The following CEP43 variants were observed in gnomAD, a reference collection of about 807,000 sequenced individuals.
CEP43 encodes the protein centrosomal protein 43.
CEP43 carries 36 observed loss-of-function variants against 52.6 expected under a neutral mutation model. That is an observed-to-expected ratio of 0.68 (90% CI 0.52 to 0.90). CEP43 has a LOEUF of 0.90. Among genes scored for constraint, CEP43 ranks in the 40% least tolerant of loss-of-function variants. The pLI, the probability that CEP43 is intolerant of heterozygous loss-of-function variation, is 0.00. For missense variants in CEP43, 506 were observed against 472.8 expected, an observed-to-expected ratio of 1.07 and a Z score of -0.65; for synonymous variants, 192 against 172.4, an observed-to-expected ratio of 1.11 and a Z score of -0.89.
intron 10 of CEP43, chr6:167,027,762 G>A (rs1780385174): frequency 5.6e-6 from 3 of 540,462 alleles, no homozygotes; most frequent in African/African-American, 4.1e-5. Flanking sequence ...GAGTAAATAG[G>A]ATTTAAATAT....
chr6:167,001,531 C>T (rs950195085), intron 2 of CEP43, among the ~76,000 whole-genome samples: 2 of 152,230 alleles, frequency 1.3e-5, no homozygotes, highest in African/African-American at 4.8e-5. Context: ...GTCTCACAGA[C>T]TGACCTTATT....
At chr6:167,030,220 A>G (rs751968542) in intron 10 of CEP43, among the ~76,000 whole-genome samples, 11 of 152,158 alleles carry the variant, frequency 7.2e-5, no homozygotes, top group Non-Finnish European at 1.5e-5. Flanking sequence ...TTAAATCCAC[A>G]TTGCAGCCAC....
At chr6:167,003,877 G>T in intron 4 of CEP43, 66 bp downstream of exon 4, 1 of 941,722 alleles carries the variant, frequency 1.1e-6, no homozygotes, top group Non-Finnish European at 1.6e-6. Context: ...ATATTAAGCT[G>T]AAAGTTAATA....
chr6:167,009,410 C>T (rs962355482), intron 5 of CEP43, among the ~76,000 whole-genome samples: 4 of 133,188 alleles, frequency 3.0e-5, no homozygotes, highest in East Asian at 4.9e-4. Context: ...CTCGGGAGGG[C>T]GAGGCAGGAG....
In CEP43 at chr6:167,047,941, T is replaced by C. The variant is rs573769560; in HGVS notation, c.*7963T>C. The C allele has an allele frequency of 6.6e-6, 1 of 152,292 alleles. No individual in the cohort carries two copies. Among genetic ancestry groups the C allele is most frequent in the South Asian group, 2.1e-4 (1 of 4,828 alleles). 9.4% of individuals were successfully genotyped at this position (152,292 alleles called of 1,614,324 possible). On this transcript the variant is annotated 3_prime_UTR_variant, in exon 13 of 13. Coordinates refer to ENST00000366847, the MANE Select transcript of CEP43 (RefSeq NM_007045.4). Reference sequence around the variant, plus strand: ...TTCGTTCACAAGAGAATTATGAGACTAGAAAAACAACAATTCTTAGTATAC... The same window carrying C: ...TTCGTTCACAAGAGAATTATGAGACCAGAAAAACAACAATTCTTAGTATAC...
chr6:167,004,921 A>G (rs1404817804), intron 5 of CEP43, among the ~76,000 whole-genome samples: 1 of 152,250 alleles, frequency 6.6e-6, no homozygotes, highest in East Asian at 1.9e-4. Context: ...GTTTAGAAAC[A>G]GTTCAAACTT....
Position 167,022,473 on chromosome 6 carries a change from G to C in CEP43, c.644G>C (p.Ser215Thr). The change falls in exon 8 of 13, where the codon AGC becomes ACC. Residue 215 changes from serine to threonine, a missense_variant. Physicochemically the swap from Ser to Thr is moderately conservative, Grantham distance 58 (BLOSUM62 1). Coordinates refer to ENST00000366847, the MANE Select transcript of CEP43 (RefSeq NM_007045.4). ...TCCTTGTCAGAACCCAAGAGCAAAA[G>C]CAGCCTTCACTTACTGTCCCATGAA... is the stretch of plus-strand genomic sequence containing the variant. The part of the protein sequence containing the change: ...SVSLSEPKSK[S>T]SLHLLSHETK... 6.2e-7 allele frequency: 1 copy of C among 1,614,128 alleles called. No homozygotes were observed. Among genetic ancestry groups the C allele is most frequent in the Non-Finnish European group, 8.5e-7 (1 of 1,180,022 alleles).
At position 167,026,543 on chromosome 6, in the gene CEP43, A is replaced by G; in HGVS notation, c.920-4A>G. 1 of 1,563,150 alleles carries G rather than the reference A, an allele frequency of 6.4e-7. No homozygotes were observed. The highest frequency in any genetic ancestry group is 8.8e-7 in the Non-Finnish European group (1 of 1,133,570). ...CTAATGTTAATATTTTCTCCTGTTC[A>G]CAGGTAAAAGGGGAAATACAGTTTT... On this transcript the variant is annotated splice_polypyrimidine_tract_variant and splice_region_variant and intron_variant, in intron 9 of 12. Transcript: ENST00000366847.
chr6:167,019,371 T>G (rs1780175856), intron 7 of CEP43, among the ~76,000 whole-genome samples: 1 of 152,236 alleles, frequency 6.6e-6, no homozygotes, highest in Non-Finnish European at 1.5e-5. Flanking sequence ...TCTCAGCGTT[T>G]TCAGTGCTTT....
At chr6:167,022,289 C>CACACAT (rs1554275460) in intron 7 of CEP43, 120 bp from the exon 8 acceptor site, 69 of 664,656 alleles carry the variant, frequency 1.0e-4, no homozygotes, top group African/African-American at 9.9e-4. Flanking sequence ...CACACACACA[C>CACACAT]ACACACAAAG....
Position 167,040,516 on chromosome 6 carries a change from T to A in CEP43, c.*538T>A. The A allele has an allele frequency of 1.8e-6, 2 of 1,122,248 alleles. No individual in the cohort carries two copies. Among genetic ancestry groups the A allele is most frequent in the Non-Finnish European group, 2.2e-6 (2 of 912,950 alleles). 69.5% of individuals were successfully genotyped at this position (1,122,248 alleles called of 1,614,324 possible). A position where few individuals can be genotyped will look rare whatever the true frequency, so the allele number is the denominator to read the frequency against. On this transcript the variant is annotated 3_prime_UTR_variant, in exon 13 of 13. Coordinates refer to ENST00000366847, the MANE Select transcript of CEP43 (RefSeq NM_007045.4). ...TGATGTGTCAACTTTATTTTGTATT[T>A]CCTTCCATTTGGAAGGTTTGTTAGA...
chr6:167,011,689 T>G (rs1339817277), intron 6 of CEP43: 1 of 154,230 alleles, frequency 6.5e-6, no homozygotes, highest in East Asian at 1.9e-4. Flanking sequence ...CTCACAGTTC[T>G]GGAGGCTGGA....
intron 7 of CEP43, among the ~76,000 whole-genome samples, chr6:167,014,350 G>A (rs1303324709): frequency 6.6e-6 from 1 of 152,188 alleles, no homozygotes; most frequent in East Asian, 1.9e-4. Flanking sequence ...CTGGGGGCCA[G>A]TGCTGCATAC....
chr6:167,003,632 C>T, intron 3 of CEP43, 91 bp from the exon 4 acceptor site: 1 of 713,976 alleles, frequency 1.4e-6, no homozygotes, highest in Non-Finnish European at 2.4e-6. Context: ...AACCTTTCTT[C>T]CATTAATTTA....
chr6:167,036,118 A>C (rs1583292888), intron 12 of CEP43: 2 of 985,348 alleles, frequency 2.0e-6, no homozygotes, highest in African/African-American at 3.5e-5. Flanking sequence ...AACATAGGAA[A>C]ATCAAGATAA....
intron 5 of CEP43, among the ~76,000 whole-genome samples, chr6:167,010,006 T>C (rs1484723997): frequency 6.6e-6 from 1 of 152,090 alleles, no homozygotes; most frequent in South Asian, 2.1e-4. Context: ...TAGAAGATAA[T>C]ATCACCAACA....
At position 167,040,483 on chromosome 6, in the gene CEP43, G is replaced by A; in HGVS notation, c.*505G>A. On this transcript the variant is annotated 3_prime_UTR_variant, in exon 13 of 13. Transcript: ENST00000366847. ...GTAATGCTGAAGTATATTAGTATAAGTTAAATTTGATGTGTCAACTTTATT... is the reference window on the plus strand; with the variant it reads ...GTAATGCTGAAGTATATTAGTATAAATTAAATTTGATGTGTCAACTTTATT... The A allele has an allele frequency of 8.7e-7, 1 of 1,146,064 alleles. No homozygotes were observed. The allele number at this position is 1,146,064 out of a possible 1,614,324, so 71.0% of individuals were successfully genotyped here. A position where few individuals can be genotyped will look rare whatever the true frequency, so the allele number is the denominator to read the frequency against.
intron 7 of CEP43, among the ~76,000 whole-genome samples, chr6:167,021,111 T>C (rs143765444): frequency 2.6e-5 from 4 of 152,112 alleles, no homozygotes; most frequent in Non-Finnish European, 4.4e-5. Flanking sequence ...GTTAATAATT[T>C]TGGACTACAT....
At chr6:167,003,844 A>C (rs770529074) in intron 4 of CEP43, 33 bp downstream of exon 4, 1 of 1,310,796 alleles carries the variant, frequency 7.6e-7, no homozygotes, top group Non-Finnish European at 1.1e-6. Context: ...CTATCTTTTG[A>C]AACCTTTGAT....
Sources: gnomAD v4.1 joint callset for allele counts (sites outside exome capture counted in the v4.1 genomes callset) on GRCh38, gnomAD v4.1.1 for gene constraint, MANE v1.5 for transcripts, NCBI Gene and HGNC (gene_info 2026-07-23, HGNC 2026-07-21) for gene names.